TYW1B: variants seen among roughly 807,000 people sequenced by gnomAD.
The protein encoded by TYW1B is tRNA-yW synthesizing protein 1 homolog B.
A neutral mutation model predicts 86.9 loss-of-function variants in TYW1B; 73 were observed. That is an observed-to-expected ratio of 0.84 (90% CI 0.70 to 1.02). TYW1B has a LOEUF of 1.02. TYW1B is among the 50% of genes least tolerant of loss of function. The probability of loss-of-function intolerance (pLI) is 0.00; values close to 1 mark genes in which losing one functional copy is unlikely to be tolerated. For synonymous variants in TYW1B, 248 were observed against 292.8 expected, an observed-to-expected ratio of 0.85 and a Z score of 1.56; for missense variants, 637 against 827.4, an observed-to-expected ratio of 0.77 and a Z score of 2.82.
At chr7:72,790,871 C>T (rs1554473259) in intron 6 of TYW1B, among the ~76,000 whole-genome samples, 2 of 152,248 alleles carry the variant, frequency 1.3e-5, no homozygotes, top group Non-Finnish European at 2.9e-5. Flanking sequence ...TCACCTCTCC[C>T]TTGAGGGTCT....
intron 10 of TYW1B, among the ~76,000 whole-genome samples, chr7:72,705,943 A>T (rs1814598849): frequency 2.6e-5 from 4 of 152,342 alleles, no homozygotes; most frequent in Admixed American, 1.3e-4. Flanking sequence ...CCATCGCAGC[A>T]ATAACATCAG....
intron 9 of TYW1B, among the ~76,000 whole-genome samples, chr7:72,716,360 A>C (rs535639409): frequency 6.6e-6 from 1 of 152,254 alleles, no homozygotes; most frequent in Non-Finnish European, 1.5e-5. Flanking sequence ...GGCACACAAG[A>C]AACGTTCATT....
rs577922462 is a variant in TYW1B at position 72,617,079 on chromosome 7, C to A, written c.1618-240G>T. On this transcript the variant is annotated intron_variant, in intron 12 of 13. Coordinates refer to ENST00000620995, the MANE Select transcript of TYW1B (RefSeq NM_001145440.3). ...GACATTGCTGGGGCTTAAGTACCTG[C>A]GCTTTCTACCGTTGTCACAATCTAG... Among the ~76,000 whole-genome samples the A allele has an allele frequency of 2.0e-5, 3 of 152,338 alleles. No individual in the cohort carries two copies. The East Asian group carries it at 5.8e-4, about 29-fold the overall frequency.
intron 2 of TYW1B, among the ~76,000 whole-genome samples, chr7:72,823,392 C>T (rs13307584): frequency 2.0e-5 from 3 of 151,792 alleles, no homozygotes; most frequent in Non-Finnish European, 4.4e-5. Context: ...GAGGCCAAGG[C>T]GGGCAGATCA....
At chr7:72,804,683 T>A (rs1554476316) in intron 5 of TYW1B, among the ~76,000 whole-genome samples, 1 of 151,924 alleles carries the variant, frequency 6.6e-6, no homozygotes, top group Non-Finnish European at 1.5e-5. Flanking sequence ...ACAAAAAATT[T>A]AAAAAACTTA....
chr7:72,772,236 G>A (rs1787881020), intron 7 of TYW1B, among the ~76,000 whole-genome samples: 1 of 152,010 alleles, frequency 6.6e-6, no homozygotes, highest in African/African-American at 2.4e-5. Context: ...ACTCGGTAAA[G>A]CTCTAAAAGA....
chr7:72,679,465 T>C (rs1383056065), intron 11 of TYW1B, among the ~76,000 whole-genome samples: 1 of 152,118 alleles, frequency 6.6e-6, no homozygotes, highest in Non-Finnish European at 1.5e-5. Flanking sequence ...AAAGGCTAAA[T>C]ATAACAATGT....
At chr7:72,583,772 T>C (rs1458231503) in intron 13 of TYW1B, among the ~76,000 whole-genome samples, 1 of 152,180 alleles carries the variant, frequency 6.6e-6, no homozygotes, top group Admixed American at 6.5e-5. Context: ...GGTGCTATGT[T>C]TGGTTCTCTA....
chr7:72,699,796 C>T (rs1197393242), intron 10 of TYW1B, among the ~76,000 whole-genome samples: 2 of 151,960 alleles, frequency 1.3e-5, no homozygotes, highest in African/African-American at 4.8e-5. Context: ...TCTACAGGCA[C>T]GCACCACCAC....
chr7:72,649,482 A>G (rs1476905040), intron 11 of TYW1B, among the ~76,000 whole-genome samples: 1 of 152,096 alleles, frequency 6.6e-6, no homozygotes, highest in Non-Finnish European at 1.5e-5. Flanking sequence ...GTCATCTCAG[A>G]CTCCCATGAC....
chr7:72,629,167 C>T (rs1235197507), intron 11 of TYW1B, among the ~76,000 whole-genome samples, 170 bp from the exon 12 acceptor site: 3 of 152,192 alleles, frequency 2.0e-5, no homozygotes, highest in Non-Finnish European at 4.4e-5. Context: ...AAAATAAACA[C>T]TATGATTCTA....
chr7:72,622,443 T>TA (rs1223745493), intron 12 of TYW1B, among the ~76,000 whole-genome samples: 2 of 152,200 alleles, frequency 1.3e-5, no homozygotes, highest in African/African-American at 4.8e-5. Flanking sequence ...GAGATATTCT[T>TA]ATGCTAATTT....
Position 72,777,337 on chromosome 7 carries a change from G to A in TYW1B, c.964+79C>T, listed in dbSNP as rs567900136. 3.3e-6 allele frequency: 5 copies of A among 1,525,520 alleles called. No individual in the cohort carries two copies. In the Admixed American group the frequency reaches 7.2e-5, roughly 22 times the overall value. The allele number at this position is 1,525,520 out of a possible 1,614,324, so 94.5% of individuals were successfully genotyped here. A position where few individuals can be genotyped will look rare whatever the true frequency, so the allele number is the denominator to read the frequency against. The stretch of plus-strand genomic sequence containing the variant: ...CTATGAACAGCTGCTGAGCTAATTA[G>A]AGAGAGACTTCATTCTAGGTATCAA... On this transcript the variant is annotated intron_variant, in intron 7 of 13. Transcript: ENST00000620995.
chr7:72,806,233 GT>G (rs1279522102), intron 5 of TYW1B, among the ~76,000 whole-genome samples: 6 of 102,094 alleles, frequency 5.9e-5, no homozygotes, highest in East Asian at 6.0e-4. Context: ...TTGTGTGTGT[GT>G]GGGTTTTTTT....
At chr7:72,726,370 G>GT (rs1194603498) in intron 9 of TYW1B, among the ~76,000 whole-genome samples, 1 of 148,240 alleles carries the variant, frequency 6.7e-6, no homozygotes, top group Non-Finnish European at 1.5e-5. Flanking sequence ...AATTTTTTTT[G>GT]TTTTTTTTGA....
chr7:72,746,054 G>T (rs537675175), intron 7 of TYW1B, among the ~76,000 whole-genome samples: 1 of 151,998 alleles, frequency 6.6e-6, no homozygotes, highest in South Asian at 2.1e-4. Context: ...TGTAGATACA[G>T]GGTTTTGCCA....
At chr7:72,683,226 C>T (rs575988482) in intron 11 of TYW1B, among the ~76,000 whole-genome samples, 1 of 152,280 alleles carries the variant, frequency 6.6e-6, no homozygotes, top group African/African-American at 2.4e-5. Context: ...GAAGAAAAAA[C>T]TGAGAAGTAT....
chr7:72,768,095 C>CA (rs1386507834), intron 7 of TYW1B, among the ~76,000 whole-genome samples: 23 of 151,660 alleles, frequency 1.5e-4, no homozygotes, highest in Admixed American at 9.9e-4. Context: ...ACAAAAAATA[C>CA]AAAAAAAACT....
At chr7:72,693,919 A>G (rs1814239565) in intron 11 of TYW1B, among the ~76,000 whole-genome samples, 1 of 152,140 alleles carries the variant, frequency 6.6e-6, no homozygotes, top group Non-Finnish European at 1.5e-5. Flanking sequence ...ACAGGAAGAT[A>G]AGTGTAGATT....
Sources: allele counts gnomAD v4.1 joint callset (sites outside exome capture counted in the v4.1 genomes callset), GRCh38; gene constraint gnomAD v4.1.1; transcripts MANE v1.5; gene names NCBI Gene and HGNC (gene_info 2026-07-23, HGNC 2026-07-21).